The following DLG1 variants were observed in gnomAD, a reference collection of about 807,000 sequenced individuals.
The protein encoded by DLG1 is discs large MAGUK scaffold protein 1.
In DLG1, 42 loss-of-function variants were observed where a neutral mutation model predicts 123.4. The observed-to-expected ratio is 0.34, with a 90% CI of 0.27 to 0.44. The LOEUF is 0.44. Ranked by LOEUF, DLG1 falls within the 20% of genes least tolerant of loss-of-function variation. The pLI, the probability that DLG1 is intolerant of heterozygous loss-of-function variation, is 1.00. For missense variants in DLG1, 942 were observed against 1,082.6 expected (o/e 0.87, Z 1.82); for synonymous variants, 317 against 356.2 (o/e 0.89, Z 1.24).
intron 4 of DLG1, among the ~76,000 whole-genome samples, chr3:197,267,106 T>C (rs1761995759): frequency 6.6e-6 from 1 of 152,174 alleles, no homozygotes; most frequent in African/African-American, 2.4e-5. Flanking sequence ...CACAAGAGAC[T>C]TCAGCTATAC....
chr3:197,245,400 T>C (rs1033866588), intron 4 of DLG1, among the ~76,000 whole-genome samples: 1 of 152,290 alleles, frequency 6.6e-6, no homozygotes, highest in Middle Eastern at 3.4e-3. Context: ...GTTGGGGGTA[T>C]TTTGGTATAA....
chr3:197,138,745 T>A lies in DLG1; in HGVS notation c.714-354A>T, dbSNP rs11713174. The stretch of plus-strand genomic sequence containing the variant: ...AAACATTTATTTAGCACTAACCACA[T>A]GCCAGGCACTTTCTTGGTATTTTAA... On this transcript the variant is annotated intron_variant, in intron 8 of 24. Transcript: ENST00000667157. Among the ~76,000 whole-genome samples, 399 of 152,306 alleles carry A rather than the reference T, an allele frequency of 2.6e-3. 3 individuals are homozygous for A. The highest frequency in any genetic ancestry group is 5.8e-3 in the South Asian group (28 of 4,828).
At chr3:197,098,710 T>C (rs1267918519) in intron 14 of DLG1, among the ~76,000 whole-genome samples, 1 of 152,140 alleles carries the variant, frequency 6.6e-6, no homozygotes, top group African/African-American at 2.4e-5. Flanking sequence ...AATTTTTATG[T>C]TAGTAGAGAC....
chr3:197,206,793 G>A (rs1369728090), intron 4 of DLG1, among the ~76,000 whole-genome samples: 1 of 151,804 alleles, frequency 6.6e-6, no homozygotes, highest in East Asian at 1.9e-4. Flanking sequence ...TCACCTGATG[G>A]TAAATCCAGA....
chr3:197,235,189 T>C (rs966212052), intron 4 of DLG1, among the ~76,000 whole-genome samples: 1 of 152,264 alleles, frequency 6.6e-6, no homozygotes, highest in South Asian at 2.1e-4. Flanking sequence ...TTTTTGGAAC[T>C]TGACACATGA....
At chr3:197,115,472 A>G (rs1337846621) in intron 13 of DLG1, among the ~76,000 whole-genome samples, 1 of 152,160 alleles carries the variant, frequency 6.6e-6, no homozygotes, top group African/African-American at 2.4e-5. Context: ...CAACTATAAA[A>G]CTATGTGTAC....
rs547621065 is a variant in DLG1, at chr3:197,237,638, A to T, written c.319-43049T>A. ...TCCCCAACTGGGGCTGGGTCAGAGA[A>T]GGCCAATTAAGGAGCTGGGACATTT... On this transcript the variant is annotated intron_variant, in intron 4 of 24. Transcript: ENST00000667157. Among the ~76,000 whole-genome samples, 7 of 152,322 alleles carry T rather than the reference A, an allele frequency of 4.6e-5. No individual in the cohort carries two copies. In the East Asian group the frequency reaches 1.4e-3, roughly 29 times the overall value.
intron 14 of DLG1, among the ~76,000 whole-genome samples, chr3:197,091,668 C>A (rs1167325862): frequency 6.6e-6 from 1 of 151,836 alleles, no homozygotes; most frequent in Non-Finnish European, 1.5e-5. Flanking sequence ...TGAAAATGGA[C>A]AATTTAAAGC....
In DLG1 at chr3:197,120,699, T is replaced by C. The variant is rs143431531; in HGVS notation, c.1166-1169A>G. 1.8e-4 allele frequency among the ~76,000 whole-genome samples: 27 copies of C among 152,198 alleles called. No individual in the cohort carries two copies. In the East Asian group the frequency reaches 5.2e-3, roughly 29 times the overall value. On this transcript the variant is annotated intron_variant, in intron 11 of 24. Transcript: ENST00000667157. ...TACTATAGTGGCCAGATAGGTAACA[T>C]AAAGGAATAAAGTGAACTGGATGAA... is the stretch of plus-strand genomic sequence containing the variant.
At chr3:197,084,302 C>T (rs1752876638) in intron 16 of DLG1, among the ~76,000 whole-genome samples, 2 of 143,146 alleles carry the variant, frequency 1.4e-5, no homozygotes, top group African/African-American at 5.1e-5. Flanking sequence ...TGCTTGGAGG[C>T]ATCACTTTTT....
intron 6 of DLG1, among the ~76,000 whole-genome samples, chr3:197,148,867 T>G (rs1266948946): frequency 6.6e-6 from 1 of 152,166 alleles, no homozygotes; most frequent in Non-Finnish European, 1.5e-5. Context: ...TTTTCTAAAG[T>G]TTTATCCACT....
intron 3 of DLG1, among the ~76,000 whole-genome samples, chr3:197,295,109 A>G (rs982633835): frequency 2.6e-5 from 4 of 152,224 alleles, no homozygotes; most frequent in African/African-American, 9.6e-5. Context: ...AATGTCCATC[A>G]ATGTAAACAA....
At chr3:197,291,158 A>G (rs1774653634) in intron 3 of DLG1, among the ~76,000 whole-genome samples, 1 of 152,166 alleles carries the variant, frequency 6.6e-6, no homozygotes, top group African/African-American at 2.4e-5. Flanking sequence ...GAGCAGTAGT[A>G]AGCAAACTAT....
At chr3:197,190,826 C>G (rs1178963823) in intron 5 of DLG1, among the ~76,000 whole-genome samples, 4 of 152,100 alleles carry the variant, frequency 2.6e-5, no homozygotes, top group Admixed American at 2.6e-4. Context: ...CTGGCTAACA[C>G]GGTGAAACCC....
chr3:197,112,797 T>C (rs1560757010), intron 13 of DLG1, among the ~76,000 whole-genome samples: 1 of 152,176 alleles, frequency 6.6e-6, no homozygotes, highest in African/African-American at 2.4e-5. Context: ...GGTCTTGCTA[T>C]ATTGATCAGG....
intron 19 of DLG1, among the ~76,000 whole-genome samples, chr3:197,067,932 T>C (rs549231335): frequency 6.6e-6 from 1 of 152,306 alleles, no homozygotes; most frequent in Non-Finnish European, 1.5e-5. Flanking sequence ...AAAGACTGTG[T>C]TAACCCAAGT....
chr3:197,061,902 A>G (rs1736092782), intron 22 of DLG1, among the ~76,000 whole-genome samples: 2 of 152,310 alleles, frequency 1.3e-5, no homozygotes, highest in Admixed American at 1.3e-4. Flanking sequence ...GGGGGAGGAC[A>G]CTTTGAGACT....
In DLG1 at chr3:197,183,621, C is replaced by T. The variant is rs958159647; in HGVS notation, c.483+10804G>A. ...CGAGATGCAGTCAATAAAGCTGTGT[C>T]TTCGAGTGAAAAATGCAACTATCTG... On this transcript the variant is annotated intron_variant, in intron 5 of 24. Transcript: ENST00000667157. 3 of 1,550,404 alleles carry T rather than the reference C, an allele frequency of 1.9e-6. No individual in the cohort carries two copies. In the African/African-American group the frequency reaches 4.1e-5, roughly 21 times the overall value.
intron 11 of DLG1, among the ~76,000 whole-genome samples, chr3:197,126,358 C>T (rs1368143871): frequency 6.6e-6 from 1 of 151,954 alleles, no homozygotes; most frequent in African/African-American, 2.4e-5. Context: ...TGCCTGTAAT[C>T]CCAGCTACTG....
Sources: allele counts gnomAD v4.1 joint callset (sites outside exome capture counted in the v4.1 genomes callset), GRCh38; gene constraint gnomAD v4.1.1; transcripts MANE v1.5; gene names NCBI Gene and HGNC (gene_info 2026-07-23, HGNC 2026-07-21).